Variants in UTRN observed in about 807,000 individuals in gnomAD.
UTRN encodes the protein utrophin, also known as dystrophin-related protein 1.
In UTRN, 283 loss-of-function variants were observed where a neutral mutation model predicts 463.9. The observed-to-expected ratio is 0.61, with a 90% confidence interval of 0.55 to 0.67. The LOEUF is 0.67. UTRN is among the 30% of genes least tolerant of loss of function. The pLI is 0.00. For synonymous variants in UTRN, 1,442 were observed against 1,431.5 expected (o/e 1.01, Z -0.17); for missense variants, 3,922 against 4,084.3 (o/e 0.96, Z 1.08).
chr6:144,594,271 T>G (rs940923652), intron 51 of UTRN, among the ~76,000 whole-genome samples: 2 of 108,636 alleles, frequency 1.8e-5, no homozygotes, highest in Non-Finnish European at 4.1e-5. Context: ...CTTTAATATA[T>G]TTTTTTTGTG....
At chr6:144,497,901 A>T (rs1057155950) in intron 33 of UTRN, among the ~76,000 whole-genome samples, 1 of 152,158 alleles carries the variant, frequency 6.6e-6, no homozygotes, top group Admixed American at 6.5e-5. Context: ...TAGGAACAGG[A>T]TATAGTGAAA....
In UTRN at chr6:144,852,253, T is replaced by C. The variant is rs755851586; in HGVS notation, c.*1256T>C. ...ATGCTTAGGTGATGGTACCTCCACC[T>C]ACATCTTTTTGAGTGCATTCAATTA... On this transcript the variant is annotated 3_prime_UTR_variant, in exon 75 of 75. Transcript: ENST00000367545. 3.9e-5 allele frequency: 6 copies of C among 152,160 alleles called. No homozygotes were observed. Among genetic ancestry groups the C allele is most frequent in the Non-Finnish European group, 8.8e-5 (6 of 68,010 alleles). The allele number at this position is 152,160 out of a possible 1,614,324, so 9.4% of individuals were successfully genotyped here.
chr6:144,404,806 T>A lies in UTRN; in HGVS notation c.141+1622T>A, dbSNP rs148452673. On this transcript the variant is annotated intron_variant, in intron 3 of 74. Transcript: ENST00000367545. ...AGAGATGACAACTGAGACAGAATAA[T>A]TGAAAAGAAATTTCTCAATATTTAT... 5.4e-3 allele frequency among the ~76,000 whole-genome samples: 815 copies of A among 152,246 alleles called. 2 individuals carry two copies. The highest frequency in any genetic ancestry group is 9.5e-3 in the Non-Finnish European group (648 of 67,990).
intron 54 of UTRN, among the ~76,000 whole-genome samples, chr6:144,733,752 A>G (rs925788345): frequency 3.9e-5 from 6 of 152,144 alleles, no homozygotes; most frequent in African/African-American, 1.2e-4. Context: ...AGCCTTAGAG[A>G]TGAACTAGTC....
intron 2 of UTRN, among the ~76,000 whole-genome samples, chr6:144,371,983 A>T (rs1255569249): frequency 6.6e-6 from 1 of 152,250 alleles, no homozygotes; most frequent in African/African-American, 2.4e-5. Flanking sequence ...TTTCAACTAC[A>T]TAACTCAATA....
intron 43 of UTRN, among the ~76,000 whole-genome samples, chr6:144,536,147 G>A (rs1797513304): frequency 6.6e-6 from 1 of 152,056 alleles, no homozygotes; most frequent in Non-Finnish European, 1.5e-5. Context: ...TTTACTCTTG[G>A]GGATAATATT....
At chr6:144,804,085 T>C (rs1160945226) in intron 65 of UTRN, among the ~76,000 whole-genome samples, 2 of 152,178 alleles carry the variant, frequency 1.3e-5, no homozygotes, top group Non-Finnish European at 2.9e-5. Context: ...TCCTTCCAAA[T>C]AATGCCCAAA....
In UTRN at chr6:144,517,281, AT is replaced by A. The variant is rs144125850; in HGVS notation, c.5541+334del. ...GTCAAAAAAAATTTCTAGTTTAAAA[AT>A]AACTCAGTTTGTGAAAGTGATGTAA... On this transcript the variant is annotated intron_variant, in intron 39 of 74. Transcript: ENST00000367545. Among the ~76,000 whole-genome samples, 658 of 152,272 alleles carry A rather than the reference AT, an allele frequency of 4.3e-3. 2 individuals are homozygous for A. The highest frequency in any genetic ancestry group is 7.0e-3 in the Non-Finnish European group (479 of 68,008).
chr6:144,700,164 T>C lies in UTRN; in HGVS notation c.7730T>C (p.Met2577Thr). The C allele has an allele frequency of 6.2e-7, 1 of 1,613,634 alleles. No homozygotes were observed. Among genetic ancestry groups the C allele is most frequent in the Non-Finnish European group, 8.5e-7 (1 of 1,179,704 alleles). The change falls in exon 53 of 75, where the codon ATG (methionine) becomes ACG (threonine). Residue 2577 changes from methionine to threonine, a missense_variant. Transcript: ENST00000367545. ...SLEELIKWLN[M>T]KDEELKKQMP... ...GAAGAACTGATCAAATGGCTGAATA[T>C]GAAAGATGAAGAGCTTAAGAAACAA... is the stretch of plus-strand genomic sequence containing the variant.
At chr6:144,678,795 A>G (rs573739477) in intron 52 of UTRN, among the ~76,000 whole-genome samples, 5 of 152,278 alleles carry the variant, frequency 3.3e-5, no homozygotes, top group Admixed American at 2.0e-4. Context: ...CTATTCATAA[A>G]TGTTCATATA....
intron 66 of UTRN, among the ~76,000 whole-genome samples, chr6:144,825,688 G>A (rs1169234790): frequency 2.0e-5 from 3 of 152,034 alleles, no homozygotes; most frequent in Non-Finnish European, 4.4e-5. Context: ...TCTATTTGAA[G>A]TTCGTGGCAT....
rs1787460673 is a variant in UTRN at position 144,444,382 on chromosome 6, G to T, written c.1614G>T (p.Gln538His). 1 of 1,600,724 alleles carries T rather than the reference G, an allele frequency of 6.2e-7. No homozygotes were observed. Among genetic ancestry groups the T allele is most frequent in the African/African-American group, 1.3e-5 (1 of 74,600 alleles). Residue 538 changes from glutamine to histidine, a missense_variant and splice_region_variant, in exon 14 of 75, where the codon CAG becomes CAT. Physicochemically the swap from Gln to His is conservative, Grantham distance 24. Coordinates refer to ENST00000367545, the MANE Select transcript of UTRN (RefSeq NM_007124.3). ...NILWQELLEE[Q>H]CLLKAWLTEK... is the part of the protein sequence containing the mutation. ...TGTGGCAGGAATTATTGGAAGAACA[G>T]GTATGAAACTGTTTTCCATAAGGGG...
At chr6:144,812,959 C>T (rs1778751466) in intron 65 of UTRN, among the ~76,000 whole-genome samples, 4 of 152,046 alleles carry the variant, frequency 2.6e-5, no homozygotes, top group Admixed American at 2.0e-4. Flanking sequence ...TTTCAGAATT[C>T]ACATGCCCAC....
At chr6:144,551,686 A>G (rs992829773) in intron 48 of UTRN, among the ~76,000 whole-genome samples, 6 of 152,212 alleles carry the variant, frequency 3.9e-5, no homozygotes, top group African/African-American at 1.4e-4. Context: ...GTGGGAATGT[A>G]CTACCAATAG....
rs565542627 is a variant in UTRN, at chr6:144,710,050, C to A, written c.7809+9807C>A. ...GCAATAAGGTATAGCCTCTGCACCT[C>A]AGTGATATATTTTAATAATTCCTAT... On this transcript the variant is annotated intron_variant, in intron 53 of 74. Coordinates refer to ENST00000367545, the MANE Select transcript of UTRN (RefSeq NM_007124.3). Among the ~76,000 whole-genome samples, 15 of 152,290 alleles carry A rather than the reference C, an allele frequency of 9.8e-5. No individual in the cohort carries two copies. The East Asian group carries it at 2.9e-3, about 29-fold the overall frequency.
intron 51 of UTRN, among the ~76,000 whole-genome samples, chr6:144,617,497 G>T (rs1228828098): frequency 2.0e-5 from 3 of 152,106 alleles, no homozygotes; most frequent in African/African-American, 7.2e-5. Flanking sequence ...CTTAATACTG[G>T]ATCTGCTGAG....
At chr6:144,816,330 T>C (rs190521563) in intron 65 of UTRN, among the ~76,000 whole-genome samples, 1 of 152,282 alleles carries the variant, frequency 6.6e-6, no homozygotes, top group Non-Finnish European at 1.5e-5. Flanking sequence ...TAAAACTATT[T>C]TTGAAACATA....
Position 144,793,950 on chromosome 6 carries a change from G to A in UTRN, c.9037G>A (p.Gly3013Ser). ...GCTAGGTGAAGTAGCAGCTTTTGGA[G>A]GCAGTAATATTGAGCCTAGTGTTCG... Reference protein sequence around the residue: ...RQLGEVAAFGGSNIEPSVRSC... With the variant: ...RQLGEVAAFGSSNIEPSVRSC... The change falls in exon 63 of 75, where the codon GGC becomes AGC. Residue 3013 changes from glycine (G) to serine (S), a missense_variant. Physicochemically the swap from Gly to Ser is moderately conservative, Grantham distance 56. Around this residue, in one of 3 missense-constraint regions of UTRN, gnomAD observed 1,309 missense variants for 1,452.6 expected, o/e 0.90. Transcript: ENST00000367545. The A allele has an allele frequency of 6.2e-7, 1 of 1,614,088 alleles. No homozygotes were observed. Among genetic ancestry groups the A allele is most frequent in the Non-Finnish European group, 8.5e-7 (1 of 1,179,986 alleles).
At chr6:144,620,852 A>G (rs958072784) in intron 51 of UTRN, among the ~76,000 whole-genome samples, 2 of 152,322 alleles carry the variant, frequency 1.3e-5, no homozygotes, top group African/African-American at 4.8e-5. Context: ...AAGAAGAGAC[A>G]TGGTAAGGAT....
Sources: gnomAD v4.1 joint callset for allele counts (sites outside exome capture counted in the v4.1 genomes callset) on GRCh38, gnomAD v4.1.1 for gene constraint, gnomAD v4.1.1 regional missense constraint, MANE v1.5 for transcripts, NCBI Gene and HGNC (gene_info 2026-07-23, HGNC 2026-07-21) for gene names.